Variants in BORCS5 observed in about 807,000 individuals in gnomAD.
BORCS5 encodes the protein BLOC-1 related complex subunit 5.
In BORCS5, 17 loss-of-function variants were observed where a neutral mutation model predicts 22.1. The ratio of observed to expected loss-of-function variants is 0.77; its 90% CI spans 0.53 to 1.15. The LOEUF (loss-of-function observed/expected upper bound fraction) is 1.15, where lower values mean the gene tolerates loss of function less well. Ranked by LOEUF, BORCS5 falls within the 50% of genes most tolerant of loss-of-function variation. BORCS5 has a pLI of 0.00. For synonymous variants in BORCS5, 117 were observed against 99.8 expected (o/e 1.17, Z -1.03); for missense variants, 247 against 253.2 (o/e 0.98, Z 0.17).
intron 2 of BORCS5, among the ~76,000 whole-genome samples, chr12:12,418,609 C>A (rs1942034060): frequency 6.6e-6 from 1 of 152,120 alleles, no homozygotes. Flanking sequence ...ATTGTTTGAG[C>A]CCAGGAATTC....
chr12:12,456,630 C>T (rs776137130), intron 3 of BORCS5, among the ~76,000 whole-genome samples: 10 of 152,102 alleles, frequency 6.6e-5, no homozygotes, highest in South Asian at 6.2e-4. Context: ...TACGCATGTA[C>T]GCCTATGTAT....
At position 12,357,151 on chromosome 12, in the gene BORCS5, G is replaced by A. The variant is rs1041634432; in HGVS notation, c.-301G>A. On this transcript the variant is annotated 5_prime_UTR_variant, in exon 1 of 4. Transcript: ENST00000314565. ...AAAGCGGCGCCGCCCGCCGGCCGCA[G>A]GTGCGGCAAAGCCAGTGTCATCTGC... is the stretch of plus-strand genomic sequence containing the variant. 5.9e-6 allele frequency: 9 copies of A among 1,533,178 alleles called. No individual in the cohort carries two copies. The highest frequency in any genetic ancestry group is 4.9e-5 in the East Asian group (2 of 40,868). 95.0% of individuals were successfully genotyped at this position (1,533,178 alleles called of 1,614,324 possible).
At chr12:12,384,257 C>T (rs1388719580) in intron 2 of BORCS5, among the ~76,000 whole-genome samples, 2 of 150,974 alleles carry the variant, frequency 1.3e-5, no homozygotes, top group African/African-American at 4.9e-5. Flanking sequence ...GCTGGGATTA[C>T]AGGTGTGAGC....
intron 2 of BORCS5, among the ~76,000 whole-genome samples, chr12:12,394,136 G>A (rs1424247546): frequency 6.6e-6 from 1 of 151,652 alleles, no homozygotes; most frequent in Non-Finnish European, 1.5e-5. Context: ...GACTACACTG[G>A]CCAACATGGT....
At chr12:12,448,585 C>G (rs1942837129) in intron 3 of BORCS5, among the ~76,000 whole-genome samples, 1 of 150,014 alleles carries the variant, frequency 6.7e-6, no homozygotes, top group South Asian at 2.1e-4. Flanking sequence ...TGCTGGAATG[C>G]AGTGGCGATC....
At chr12:12,404,857 C>T (rs1231349022) in intron 2 of BORCS5, among the ~76,000 whole-genome samples, 3 of 152,136 alleles carry the variant, frequency 2.0e-5, no homozygotes, top group Non-Finnish European at 2.9e-5. Flanking sequence ...CGCCACCACA[C>T]CTGGCTAATT....
rs35052204 is a variant in BORCS5, at chr12:12,433,348, A to AAG, written c.203-2280_203-2279insAG. Among the ~76,000 whole-genome samples, 55 of 126,112 alleles carry AAG rather than the reference A, an allele frequency of 4.4e-4. 3 individuals are homozygous for AAG. Among genetic ancestry groups the AAG allele is most frequent in the Non-Finnish European group, 5.6e-4 (33 of 58,766 alleles). The allele number at this position is 126,112 out of a possible 152,430, so 82.7% of individuals were successfully genotyped here. A position where few individuals can be genotyped will look rare whatever the true frequency, so the allele number is the denominator to read the frequency against. On this transcript the variant is annotated intron_variant, in intron 2 of 3. Transcript: ENST00000314565. ...AAAAAAAAAAAAAAAAAAAAAAAAA[A>AAG]GGAAATCTGCCCGGGTGCAGCGGCA...
chr12:12,395,435 A>ATTTTTTTTTTTT (rs59277387), intron 2 of BORCS5, among the ~76,000 whole-genome samples: 94 of 107,818 alleles, frequency 8.7e-4, no homozygotes, highest in Non-Finnish European at 1.1e-3. Flanking sequence ...CACCCAGCTA[A>ATTTTTTTTTTTT]TTTTTTTTTT....
intron 2 of BORCS5, among the ~76,000 whole-genome samples, chr12:12,367,518 C>G (rs1470806232): frequency 6.6e-6 from 1 of 152,196 alleles, no homozygotes; most frequent in Non-Finnish European, 1.5e-5. Context: ...TTTGTAATAG[C>G]TCTTCAGTTA....
intron 2 of BORCS5, among the ~76,000 whole-genome samples, chr12:12,393,819 C>T (rs941004200): frequency 2.6e-5 from 4 of 151,700 alleles, no homozygotes; most frequent in African/African-American, 4.9e-5. Context: ...TCGCGCCCGG[C>T]CTTTGTCTCT....
intron 1 of BORCS5, among the ~76,000 whole-genome samples, chr12:12,359,644 G>A (rs1031331386): frequency 6.7e-6 from 1 of 149,782 alleles, no homozygotes; most frequent in Non-Finnish European, 1.5e-5. Flanking sequence ...TTACAGGCGT[G>A]AGCCACCGTG....
At chr12:12,447,089 CTCTT>C (rs1942804243) in intron 3 of BORCS5, among the ~76,000 whole-genome samples, 1 of 152,214 alleles carries the variant, frequency 6.6e-6, no homozygotes, top group Non-Finnish European at 1.5e-5. Flanking sequence ...TACGAATTCT[CTCTT>C]TGCCCTTGCT....
intron 2 of BORCS5, among the ~76,000 whole-genome samples, chr12:12,368,294 T>A (rs755147199): frequency 6.6e-6 from 1 of 151,910 alleles, no homozygotes; most frequent in Non-Finnish European, 1.5e-5. Context: ...TTTTTTTTTT[T>A]AATCTACTGG....
intron 2 of BORCS5, among the ~76,000 whole-genome samples, chr12:12,411,129 G>C (rs562733839): frequency 6.6e-6 from 1 of 152,268 alleles, no homozygotes; most frequent in Non-Finnish European, 1.5e-5. Flanking sequence ...TTTGGGCTGA[G>C]ACCATGGGGT....
intron 2 of BORCS5, among the ~76,000 whole-genome samples, chr12:12,376,251 T>G (rs188987385): frequency 0.013 from 2,011 of 150,712 alleles, 43 homozygotes; most frequent in African/African-American, 0.045. Flanking sequence ...TTTTTTTTTT[T>G]GAGACAGAGT....
At chr12:12,410,266 A>C (rs1941697031) in intron 2 of BORCS5, among the ~76,000 whole-genome samples, 1 of 152,076 alleles carries the variant, frequency 6.6e-6, no homozygotes, top group African/African-American at 2.4e-5. Context: ...TTTTGTTGCC[A>C]TTGCTTTTGG....
Position 12,465,588 on chromosome 12 carries a change from C to T in BORCS5, c.403C>T (p.Arg135Cys), listed in dbSNP as rs565487491. ...AACTCTGTTCAGCTTCATGCAGGAG[C>T]GCCAGAAAAGATACGCCAAGTATGC... ...VETLFSFMQE[R>C]QKRYAKYAEQ... The change falls in exon 4 of 4, where the codon CGC (arginine) becomes TGC (cysteine). Residue 135 changes from arginine to cysteine, a missense_variant. Transcript: ENST00000314565. 82 of 1,614,242 alleles carry T rather than the reference C, an allele frequency of 5.1e-5. No individual in the cohort carries two copies. In the East Asian group the frequency reaches 1.4e-3, roughly 29 times the overall value.
intron 2 of BORCS5, among the ~76,000 whole-genome samples, chr12:12,371,277 AC>A (rs762491254): frequency 9.2e-5 from 14 of 151,816 alleles, no homozygotes; most frequent in Non-Finnish European, 2.1e-4. Flanking sequence ...ACACATTTAC[AC>A]CTATGTTTAT....
intron 2 of BORCS5, among the ~76,000 whole-genome samples, chr12:12,374,628 CAAATA>C (rs77162518): frequency 0.13 from 20,205 of 150,020 alleles, 2,804 homozygotes; most frequent in African/African-American, 0.36. Flanking sequence ...GACCCTGTCT[CAAATA>C]AAATAAAATA....
Sources: allele counts gnomAD v4.1 joint callset (sites outside exome capture counted in the v4.1 genomes callset), GRCh38; gene constraint gnomAD v4.1.1; transcripts MANE v1.5; gene names NCBI Gene and HGNC (gene_info 2026-07-23, HGNC 2026-07-21).